The following LEPR variants were observed in gnomAD, a reference collection of about 807,000 sequenced individuals.
LEPR encodes OB receptor.
A neutral mutation model predicts 114.7 loss-of-function variants in LEPR; 56 were observed. The ratio of observed to expected loss-of-function variants is 0.49; its 90% CI spans 0.39 to 0.61. LEPR has a LOEUF of 0.61. Among genes scored for constraint, LEPR ranks in the 20% least tolerant of loss-of-function variants. The pLI is 0.00. For missense variants in LEPR, 1,202 were observed against 1,352.9 expected (o/e 0.89, Z 1.75); for synonymous variants, 443 against 461.4 (o/e 0.96, Z 0.51).
intron 2 of LEPR, among the ~76,000 whole-genome samples, chr1:65,538,404 C>A (rs917453417): frequency 1.3e-5 from 2 of 152,004 alleles, no homozygotes; most frequent in Non-Finnish European, 2.9e-5. Context: ...GTTTGCAGAG[C>A]CAGCAAACTT....
At chr1:65,543,726 A>C (rs1651418407) in intron 2 of LEPR, among the ~76,000 whole-genome samples, 1 of 152,006 alleles carries the variant, frequency 6.6e-6, no homozygotes, top group Non-Finnish European at 1.5e-5. Context: ...TAAATAGGGA[A>C]TCCTTTCCCC....
At chr1:65,544,198 T>C (rs779804516) in intron 2 of LEPR, among the ~76,000 whole-genome samples, 1 of 151,786 alleles carries the variant, frequency 6.6e-6, no homozygotes, top group Non-Finnish European at 1.5e-5. Flanking sequence ...ATTCTCTTTG[T>C]AGCAATTGTG....
At chr1:65,534,042 CA>C (rs1235232718) in intron 2 of LEPR, among the ~76,000 whole-genome samples, 1 of 152,062 alleles carries the variant, frequency 6.6e-6, no homozygotes, top group Admixed American at 6.6e-5. Context: ...TAGTAAACAG[CA>C]TTTATTTCTT....
chr1:65,468,878 G>T (rs1271111019), intron 2 of LEPR, among the ~76,000 whole-genome samples: 1 of 152,242 alleles, frequency 6.6e-6, no homozygotes, highest in Non-Finnish European at 1.5e-5. Flanking sequence ...TGGGAGCTAT[G>T]CTTAATAGGA....
intron 2 of LEPR, among the ~76,000 whole-genome samples, chr1:65,450,365 C>T (rs1315109808): frequency 4.0e-5 from 6 of 149,428 alleles, no homozygotes; most frequent in Admixed American, 2.0e-4. Context: ...CATGCTGGTG[C>T]GCTGCACCCA....
chr1:65,593,174 C>G (rs1390707682), intron 6 of LEPR, among the ~76,000 whole-genome samples: 1 of 124,002 alleles, frequency 8.1e-6, no homozygotes, highest in Non-Finnish European at 1.7e-5. Flanking sequence ...AAAATAGTAG[C>G]ATGTTTCTTG....
Position 65,636,497 on chromosome 1 carries a change from A to G in LEPR, c.2980A>G (p.Lys994Glu). 6.2e-7 allele frequency: 1 copy of G among 1,614,090 alleles called. No homozygotes were observed. The highest frequency in any genetic ancestry group is 8.5e-7 in the Non-Finnish European group (1 of 1,179,998). Residue 994 changes from lysine (K) to glutamate (E), a missense_variant, in exon 20 of 20, where the codon AAA (lysine) becomes GAA (glutamate). Transcript: ENST00000349533. ...ATACGCCACGCTGATCAGCAACTCTAAACCAAGTGAAACTGGTGAAGAACA... is the reference window on the plus strand; with the variant it reads ...ATACGCCACGCTGATCAGCAACTCTGAACCAAGTGAAACTGGTGAAGAACA... ...VKYATLISNS[K>E]PSETGEEQGL...
At chr1:65,517,364 T>TA (rs1649343250) in intron 2 of LEPR, among the ~76,000 whole-genome samples, 1 of 152,248 alleles carries the variant, frequency 6.6e-6, no homozygotes, top group Admixed American at 6.5e-5. Context: ...GTTTAAGTGA[T>TA]AATCTGCATC....
At chr1:65,527,633 A>T (rs544030172) in intron 2 of LEPR, among the ~76,000 whole-genome samples, 1 of 152,186 alleles carries the variant, frequency 6.6e-6, no homozygotes, top group Non-Finnish European at 1.5e-5. Context: ...TAATAAAACA[A>T]TCTTTTCTCA....
chr1:65,614,274 T>G (rs1268591520), intron 14 of LEPR, among the ~76,000 whole-genome samples: 1 of 152,204 alleles, frequency 6.6e-6, no homozygotes. Flanking sequence ...TTGCCAAAAC[T>G]CCTCGAACTT....
chr1:65,425,784 A>G (rs1219641963), intron 2 of LEPR, among the ~76,000 whole-genome samples: 1 of 152,206 alleles, frequency 6.6e-6, no homozygotes, highest in Non-Finnish European at 1.5e-5. Context: ...ACAGTCAGGG[A>G]AGGCTGCATG....
intron 2 of LEPR, among the ~76,000 whole-genome samples, chr1:65,445,373 T>C (rs1167628050): frequency 6.6e-6 from 1 of 152,198 alleles, no homozygotes; most frequent in Non-Finnish European, 1.5e-5. Flanking sequence ...TGTCACTTGC[T>C]TAGAGAGGTT....
chr1:65,457,516 A>G (rs1001995195), intron 2 of LEPR, among the ~76,000 whole-genome samples: 1 of 152,170 alleles, frequency 6.6e-6, no homozygotes, highest in Admixed American at 6.5e-5. Context: ...TGTCTATTAC[A>G]TGGTTCAAAA....
intron 1 of LEPR, among the ~76,000 whole-genome samples, chr1:65,423,649 T>C (rs1423849944): frequency 6.6e-6 from 1 of 152,062 alleles, no homozygotes. Flanking sequence ...TGACAGTGTT[T>C]CTTTGTCCCT....
chr1:65,601,689 A>G lies in LEPR; in HGVS notation c.1285+7A>G. 6.2e-7 allele frequency: 1 copy of G among 1,613,572 alleles called. No individual in the cohort carries two copies. The highest frequency in any genetic ancestry group is 8.5e-7 in the Non-Finnish European group (1 of 1,179,668). On this transcript the variant is annotated splice_region_variant and intron_variant, in intron 9 of 19. Transcript: ENST00000349533. The stretch of plus-strand genomic sequence containing the variant: ...GCTGAATTATATGTGATTGGTAAGA[A>G]AACAGAGGTTTTGTTCATTTTGTTC...
chr1:65,598,647 T>C lies in LEPR; in HGVS notation c.850-13T>C. 6.2e-7 allele frequency: 1 copy of C among 1,612,552 alleles called. No homozygotes were observed. Among genetic ancestry groups the C allele is most frequent in the Non-Finnish European group, 8.5e-7 (1 of 1,179,448 alleles). ...AACTTGATGTTCTGATGTTTTAATA[T>C]AATATTTAACAGGCTGACAAGATTG... On this transcript the variant is annotated splice_polypyrimidine_tract_variant and intron_variant, in intron 7 of 19. Transcript: ENST00000349533.
intron 2 of LEPR, among the ~76,000 whole-genome samples, chr1:65,450,080 T>C (rs998055618): frequency 5.9e-5 from 9 of 152,240 alleles, no homozygotes; most frequent in Non-Finnish European, 1.2e-4. Flanking sequence ...GTTTCCGTTA[T>C]TAAATTTTTA....
intron 2 of LEPR, among the ~76,000 whole-genome samples, chr1:65,450,378 A>G (rs1403356330): frequency 6.8e-6 from 1 of 147,344 alleles, no homozygotes; most frequent in Non-Finnish European, 1.5e-5. Flanking sequence ...TGCACCCACT[A>G]ACTCGTCATC....
At chr1:65,450,104 G>C (rs1408154204) in intron 2 of LEPR, among the ~76,000 whole-genome samples, 1 of 152,124 alleles carries the variant, frequency 6.6e-6, no homozygotes, top group Non-Finnish European at 1.5e-5. Flanking sequence ...TAATTCTATT[G>C]TGGTTTGAGA....
Sources: allele counts gnomAD v4.1 joint callset (sites outside exome capture counted in the v4.1 genomes callset), GRCh38; gene constraint gnomAD v4.1.1; transcripts MANE v1.5; gene names NCBI Gene and HGNC (gene_info 2026-07-23, HGNC 2026-07-21).